Variants in IFT43 observed in about 807,000 individuals in gnomAD.
IFT43 encodes the protein intraflagellar transport protein 43 homolog.
A neutral mutation model predicts 32.3 loss-of-function variants in IFT43; 33 were observed. The ratio of observed to expected loss-of-function variants is 1.02; its 90% CI spans 0.77 to 1.37. The LOEUF (loss-of-function observed/expected upper bound fraction) is 1.37. IFT43 is among the 40% of genes most tolerant of loss of function. The probability of loss-of-function intolerance (pLI) is 0.00; values close to 1 mark genes in which losing one functional copy is unlikely to be tolerated. For missense variants in IFT43, 274 were observed against 265.9 expected (o/e 1.03, Z -0.21); for synonymous variants, 93 against 98.2 (o/e 0.95, Z 0.31).
At chr14:75,991,378 TATTA>T (rs1482323395) in intron 2 of IFT43, among the ~76,000 whole-genome samples, 1 of 142,334 alleles carries the variant, frequency 7.0e-6, no homozygotes, top group Non-Finnish European at 1.5e-5. Context: ...TATATATAAA[TATTA>T]ACAAGAGTGT....
chr14:76,018,642 T>A (rs887273275), intron 2 of IFT43, among the ~76,000 whole-genome samples: 11 of 152,178 alleles, frequency 7.2e-5, no homozygotes, highest in African/African-American at 2.7e-4. Context: ...GTGCTGACAG[T>A]TGGATGTTGA....
intron 5 of IFT43, among the ~76,000 whole-genome samples, chr14:76,068,095 C>CATT (rs1028676534): frequency 6.6e-6 from 1 of 152,164 alleles, no homozygotes; most frequent in African/African-American, 2.4e-5. Flanking sequence ...GCAAAGGCAG[C>CATT]AAATGGTCAT....
At chr14:76,082,811 G>A (rs554192913) in intron 7 of IFT43, 119 bp downstream of exon 7, 4 of 804,106 alleles carry the variant, frequency 5.0e-6, no homozygotes, top group East Asian at 4.8e-5. Context: ...GAGGCTGCCT[G>A]CCTGGCACCC....
At chr14:76,053,429 A>G (rs375912277) in intron 3 of IFT43, among the ~76,000 whole-genome samples, 20 of 152,114 alleles carry the variant, frequency 1.3e-4, no homozygotes, top group African/African-American at 4.1e-4. Flanking sequence ...GGACTGGGTG[A>G]GTGTGGAGCT....
intron 2 of IFT43, among the ~76,000 whole-genome samples, chr14:75,991,808 A>C (rs1275317662): frequency 6.6e-6 from 1 of 152,186 alleles, no homozygotes; most frequent in African/African-American, 2.4e-5. Flanking sequence ...CTCTGAAAGC[A>C]AGATGCCAGT....
At chr14:76,055,135 G>C (rs2036986686) in intron 3 of IFT43, among the ~76,000 whole-genome samples, 1 of 152,156 alleles carries the variant, frequency 6.6e-6, no homozygotes, top group African/African-American at 2.4e-5. Context: ...CTTGAGGTCA[G>C]GAGTTTAAGA....
At chr14:75,988,763 C>A in intron 1 of IFT43, 122 bp from the exon 2 acceptor site, 1 of 1,436,968 alleles carries the variant, frequency 7.0e-7, no homozygotes, top group Non-Finnish European at 9.7e-7. Context: ...TGTGATCTGC[C>A]TGCCTCGTCC....
At chr14:76,046,571 G>C (rs1201654097) in intron 3 of IFT43, among the ~76,000 whole-genome samples, 1 of 152,272 alleles carries the variant, frequency 6.6e-6, no homozygotes, top group African/African-American at 2.4e-5. Context: ...AGCAGCACAG[G>C]GAAGAGACTG....
At chr14:76,024,326 A>G (rs551583212) in intron 3 of IFT43, among the ~76,000 whole-genome samples, 1 of 152,334 alleles carries the variant, frequency 6.6e-6, no homozygotes, top group African/African-American at 2.4e-5. Context: ...CCATGCTTAA[A>G]CTGGCAGAAT....
chr14:76,078,608 A>T (rs1193911357), intron 5 of IFT43, among the ~76,000 whole-genome samples: 2 of 152,178 alleles, frequency 1.3e-5, no homozygotes, highest in Admixed American at 1.3e-4. Context: ...TGGGACAGAG[A>T]AGCAGGTTGA....
intron 4 of IFT43, chr14:76,059,067 T>C (rs1452918287): frequency 1.3e-5 from 19 of 1,427,728 alleles, no homozygotes; most frequent in Non-Finnish European, 1.7e-5. Flanking sequence ...GGCCACCCAG[T>C]TTCCTACTCC....
At chr14:76,059,721 A>G (rs1403812623) in intron 5 of IFT43, 4 of 367,516 alleles carry the variant, frequency 1.1e-5, no homozygotes, top group African/African-American at 2.1e-5. Flanking sequence ...CATGGCCAAT[A>G]TTTACTAGGT....
At chr14:76,009,155 A>G (rs921925632) in intron 2 of IFT43, among the ~76,000 whole-genome samples, 1 of 152,232 alleles carries the variant, frequency 6.6e-6, no homozygotes, top group African/African-American at 2.4e-5. Flanking sequence ...TCTAGCTGGC[A>G]TGCAACTTAG....
chr14:76,013,721 C>CA, intron 2 of IFT43: 1 of 348,290 alleles, frequency 2.9e-6, no homozygotes, highest in Admixed American at 3.6e-5. Flanking sequence ...AAGAAATCCG[C>CA]AAATGTGGAA....
chr14:76,025,460 T>C (rs2036373079), intron 3 of IFT43, among the ~76,000 whole-genome samples: 1 of 151,976 alleles, frequency 6.6e-6, no homozygotes, highest in Admixed American at 6.6e-5. Context: ...AAAATTTATA[T>C]GGAACAAAAA....
intron 2 of IFT43, among the ~76,000 whole-genome samples, chr14:76,005,013 T>G (rs1007565937): frequency 6.6e-6 from 1 of 152,230 alleles, no homozygotes; most frequent in Non-Finnish European, 1.5e-5. Context: ...TATAAGGTCC[T>G]TATATAGCTG....
intron 3 of IFT43, among the ~76,000 whole-genome samples, chr14:76,036,369 G>C (rs117173600): frequency 1.3e-4 from 18 of 135,966 alleles, no homozygotes; most frequent in African/African-American, 4.4e-4. Flanking sequence ...TTGTTTGTTC[G>C]TTCGTTTGTT....
At chr14:76,013,718 C>T in intron 2 of IFT43, 1 of 347,440 alleles carries the variant, frequency 2.9e-6, no homozygotes, top group African/African-American at 2.2e-5. Flanking sequence ...TTGAAGAAAT[C>T]CGCAAATGTG....
chr14:76,046,982 A>T (rs141233499), intron 3 of IFT43, among the ~76,000 whole-genome samples: 54 of 152,252 alleles, frequency 3.5e-4, no homozygotes, highest in Non-Finnish European at 5.7e-4. Context: ...GCTACTTTAT[A>T]CTTCCAAGAC....
Sources: gnomAD v4.1 joint callset for allele counts (sites outside exome capture counted in the v4.1 genomes callset) on GRCh38, gnomAD v4.1.1 for gene constraint, MANE v1.5 for transcripts, NCBI Gene and HGNC (gene_info 2026-07-23, HGNC 2026-07-21) for gene names.